Variants in SPATA16 observed in about 807,000 individuals in gnomAD.
SPATA16 encodes spermatogenesis-associated protein 16.
Under a neutral mutation model 63.3 loss-of-function variants are expected in SPATA16, and 36 were observed. The ratio of observed to expected loss-of-function variants is 0.57; its 90% CI spans 0.44 to 0.75. SPATA16 has a LOEUF of 0.75. Ranked by LOEUF, SPATA16 falls within the 30% of genes least tolerant of loss-of-function variation. SPATA16 has a pLI of 0.00. For missense variants in SPATA16, 646 were observed against 679.3 expected, an observed-to-expected ratio of 0.95 and a Z score of 0.54; for synonymous variants, 203 against 216.7, an observed-to-expected ratio of 0.94 and a Z score of 0.56.
At position 172,992,497 on chromosome 3, in the gene SPATA16, TAAAG is replaced by T. The variant is rs1248868955; in HGVS notation, c.849-15449_849-15446del. 7.2e-5 allele frequency among the ~76,000 whole-genome samples: 11 copies of T among 152,028 alleles called. 1 individual carries two copies. In the Middle Eastern group the frequency reaches 0.017, roughly 235 times the overall value. ...CTTGAAAGAGAAAAAGCACATCCCT[TAAAG>T]GAAGGTAGGGGACTCTAGGGTGTGT... is the stretch of plus-strand genomic sequence containing the variant. On this transcript the variant is annotated intron_variant, in intron 4 of 10. Transcript: ENST00000351008.
intron 7 of SPATA16, among the ~76,000 whole-genome samples, chr3:172,924,681 T>G (rs1342109004): frequency 6.6e-6 from 1 of 152,214 alleles, no homozygotes; most frequent in Non-Finnish European, 1.5e-5. Flanking sequence ...ATTATTCAAG[T>G]GTGCAGATCC....
At chr3:173,087,222 T>G (rs1322296037) in intron 2 of SPATA16, among the ~76,000 whole-genome samples, 1 of 152,192 alleles carries the variant, frequency 6.6e-6, no homozygotes. Flanking sequence ...ATTAGGTGCA[T>G]ATATATTTAG....
At chr3:172,951,496 T>TA (rs58045759) in intron 6 of SPATA16, among the ~76,000 whole-genome samples, 43 of 148,478 alleles carry the variant, frequency 2.9e-4, no homozygotes, top group East Asian at 6.0e-4. Flanking sequence ...TTTGATAATT[T>TA]AAAAAAAAAA....
chr3:173,013,430 A>G (rs940761097), intron 4 of SPATA16, among the ~76,000 whole-genome samples: 1 of 152,230 alleles, frequency 6.6e-6, no homozygotes, highest in Non-Finnish European at 1.5e-5. Flanking sequence ...GGATATCTTT[A>G]TTATTGAGTG....
chr3:173,105,144 G>A (rs1187263711), intron 2 of SPATA16, among the ~76,000 whole-genome samples: 1 of 152,178 alleles, frequency 6.6e-6, no homozygotes, highest in Non-Finnish European at 1.5e-5. Context: ...TATATAATGA[G>A]TGCAAAGACT....
intron 8 of SPATA16, among the ~76,000 whole-genome samples, chr3:172,918,712 C>A (rs553512557): frequency 6.6e-6 from 1 of 151,938 alleles, no homozygotes; most frequent in East Asian, 1.9e-4. Context: ...GGCAGGTAGC[C>A]CTCCCAGTGA....
At chr3:173,075,590 G>A (rs1736782376) in intron 2 of SPATA16, among the ~76,000 whole-genome samples, 1 of 152,164 alleles carries the variant, frequency 6.6e-6, no homozygotes, top group Non-Finnish European at 1.5e-5. Flanking sequence ...ATATTATTCA[G>A]CCATAAAAAA....
At chr3:172,969,997 C>T (rs1734011862) in intron 5 of SPATA16, among the ~76,000 whole-genome samples, 1 of 152,142 alleles carries the variant, frequency 6.6e-6, no homozygotes, top group Non-Finnish European at 1.5e-5. Flanking sequence ...GTAAGCCAAG[C>T]CCAGTCGAGA....
At chr3:172,962,688 C>T (rs1259787583) in intron 5 of SPATA16, among the ~76,000 whole-genome samples, 1 of 152,082 alleles carries the variant, frequency 6.6e-6, no homozygotes, top group Non-Finnish European at 1.5e-5. Context: ...TTGAATATTA[C>T]AGTTTTATTG....
chr3:173,080,063 C>A (rs1409741009), intron 2 of SPATA16, among the ~76,000 whole-genome samples: 1 of 152,164 alleles, frequency 6.6e-6, no homozygotes, highest in Non-Finnish European at 1.5e-5. Flanking sequence ...TTCTCTGGAT[C>A]ATGGAATTAT....
chr3:173,069,687 G>T (rs1038720400), intron 2 of SPATA16, among the ~76,000 whole-genome samples: 2 of 151,960 alleles, frequency 1.3e-5, no homozygotes, highest in Non-Finnish European at 2.9e-5. Flanking sequence ...AACCAAAAAA[G>T]AATACTACAG....
chr3:172,955,668 A>C (rs1733576294), intron 6 of SPATA16, among the ~76,000 whole-genome samples: 1 of 152,064 alleles, frequency 6.6e-6, no homozygotes, highest in Non-Finnish European at 1.5e-5. Context: ...AAAAGTACGA[A>C]ATCCATAGGA....
intron 2 of SPATA16, among the ~76,000 whole-genome samples, chr3:173,093,076 C>CACACACACACACACACACATAT (rs372317726): frequency 6.9e-6 from 1 of 143,980 alleles, no homozygotes; most frequent in Admixed American, 6.9e-5. Flanking sequence ...CACACACACA[C>CACACACACACACACACACATAT]ATATATATAT....
At chr3:172,949,112 A>G (rs924234588) in intron 6 of SPATA16, among the ~76,000 whole-genome samples, 2 of 152,170 alleles carry the variant, frequency 1.3e-5, no homozygotes, top group South Asian at 2.1e-4. Flanking sequence ...AGAGCTGGTC[A>G]TGTTTTCTTT....
At chr3:172,914,923 G>A (rs759052992) in intron 9 of SPATA16, among the ~76,000 whole-genome samples, 16 of 151,896 alleles carry the variant, frequency 1.1e-4, no homozygotes, top group Non-Finnish European at 1.9e-4. Flanking sequence ...AGACTTAAGT[G>A]CAGAGAATTC....
chr3:173,116,123 C>G (rs1737893848), intron 2 of SPATA16, among the ~76,000 whole-genome samples: 1 of 152,080 alleles, frequency 6.6e-6, no homozygotes, highest in African/African-American at 2.4e-5. Context: ...AATTTCTGGC[C>G]TCAAGTGATC....
chr3:172,961,050 T>TTCTTC (rs1560080221), intron 5 of SPATA16, among the ~76,000 whole-genome samples: 12 of 68,146 alleles, frequency 1.8e-4, no homozygotes, highest in African/African-American at 5.6e-4. Flanking sequence ...CTTTCTTTCT[T>TTCTTC]CTTTCTTTCT....
Position 172,925,604 on chromosome 3 carries a change from G to T in SPATA16, c.1082-112C>A, listed in dbSNP as rs1370719243. The T allele has an allele frequency of 2.3e-6, 3 of 1,309,668 alleles. No homozygotes were observed. The East Asian group carries it at 7.2e-5, about 31-fold the overall frequency. 81.1% of individuals were successfully genotyped at this position (1,309,668 alleles called of 1,614,324 possible). A position where few individuals can be genotyped will look rare whatever the true frequency, so the allele number is the denominator to read the frequency against. On this transcript the variant is annotated intron_variant, in intron 6 of 10. Coordinates refer to ENST00000351008, the MANE Select transcript of SPATA16 (RefSeq NM_031955.6). ...CTTGGAAAAAATAATAACTATAAAT[G>T]TGAAAGGTATGAAGTAATATTATGT...
At chr3:172,934,164 A>C (rs1008097142) in intron 6 of SPATA16, among the ~76,000 whole-genome samples, 25 of 151,926 alleles carry the variant, frequency 1.6e-4, no homozygotes, top group African/African-American at 6.1e-4. Context: ...TACATCTCAC[A>C]GAAAATGACT....
Sources: allele counts gnomAD v4.1 joint callset (sites outside exome capture counted in the v4.1 genomes callset), GRCh38; gene constraint gnomAD v4.1.1; transcripts MANE v1.5; gene names NCBI Gene and HGNC (gene_info 2026-07-23, HGNC 2026-07-21).